Variants in RBFOX1 observed in about 807,000 individuals in gnomAD.
RBFOX1 encodes RNA binding fox-1 homolog 1, also known as RNA binding protein fox-1 homolog 1.
RBFOX1 carries 8 observed loss-of-function variants against 57.7 expected under a neutral mutation model. That is an observed-to-expected ratio of 0.14 (90% CI 0.08 to 0.25). The LOEUF is 0.25. Among genes scored for constraint, RBFOX1 ranks in the 10% least tolerant of loss-of-function variants. The probability of loss-of-function intolerance (pLI) is 1.00; values close to 1 mark genes in which losing one functional copy is unlikely to be tolerated. For synonymous variants in RBFOX1, 326 were observed against 222.4 expected, an observed-to-expected ratio of 1.47 and a Z score of -4.15; for missense variants, 611 against 548.5, an observed-to-expected ratio of 1.11 and a Z score of -1.14.
intron 4 of RBFOX1, among the ~76,000 whole-genome samples, chr16:7,381,514 T>C (rs568555230): frequency 6.6e-6 from 1 of 151,918 alleles, no homozygotes; most frequent in South Asian, 2.1e-4. Flanking sequence ...GCCTTTTTTT[T>C]TTATTTTATT....
intron 1 of RBFOX1, among the ~76,000 whole-genome samples, chr16:6,201,485 T>C (rs1172752835): frequency 6.6e-6 from 1 of 151,998 alleles, no homozygotes; most frequent in African/African-American, 2.4e-5. Flanking sequence ...CTTACAGAGA[T>C]AGAGTGGAAT....
intron 2 of RBFOX1, among the ~76,000 whole-genome samples, chr16:6,447,989 TC>T (rs2094518550): frequency 1.3e-5 from 2 of 152,098 alleles, no homozygotes; most frequent in Admixed American, 1.3e-4. Context: ...TCTCTCTCTC[TC>T]TCTCATAATA....
At chr16:5,855,486 T>G (rs2057001375) in intron 3 of RBFOX1, among the ~76,000 whole-genome samples, 1 of 152,206 alleles carries the variant, frequency 6.6e-6, no homozygotes, top group South Asian at 2.1e-4. Flanking sequence ...GACTGTTCTT[T>G]CCACATTGTG....
At chr16:5,805,150 G>A (rs1221644577) in intron 3 of RBFOX1, among the ~76,000 whole-genome samples, 4 of 152,104 alleles carry the variant, frequency 2.6e-5, no homozygotes, top group Non-Finnish European at 4.4e-5. Context: ...GGAGACCTGG[G>A]CTGGGTTATG....
At chr16:5,581,294 G>T (rs1051226552) in intron 2 of RBFOX1, among the ~76,000 whole-genome samples, 1 of 152,188 alleles carries the variant, frequency 6.6e-6, no homozygotes, top group Non-Finnish European at 1.5e-5. Context: ...TAGACTTTGG[G>T]CGGAGACAGA....
intron 4 of RBFOX1, among the ~76,000 whole-genome samples, chr16:7,217,683 AT>A (rs1158504794): frequency 6.6e-6 from 1 of 152,122 alleles, no homozygotes; most frequent in African/African-American, 2.4e-5. Flanking sequence ...AGGGGGAAGG[AT>A]TTTTTTGGTG....
intron 4 of RBFOX1, among the ~76,000 whole-genome samples, chr16:7,378,393 A>G (rs376771078): frequency 6.6e-6 from 1 of 152,256 alleles, no homozygotes; most frequent in Non-Finnish European, 1.5e-5. Flanking sequence ...AGCCCCCTGG[A>G]GAGTCCCTGA....
chr16:6,557,586 T>C (rs2097123235), intron 2 of RBFOX1, among the ~76,000 whole-genome samples: 1 of 152,204 alleles, frequency 6.6e-6, no homozygotes, highest in African/African-American at 2.4e-5. Context: ...TCTGTGGGTG[T>C]TGCCGAAGTC....
intron 2 of RBFOX1, among the ~76,000 whole-genome samples, chr16:6,554,455 TGTG>T (rs1390710093): frequency 2.0e-5 from 3 of 152,140 alleles, no homozygotes; most frequent in African/African-American, 4.8e-5. Context: ...AAAATTAAAT[TGTG>T]GTGATAATGG....
intron 3 of RBFOX1, among the ~76,000 whole-genome samples, chr16:6,830,250 G>A (rs543435605): frequency 6.6e-6 from 1 of 152,256 alleles, no homozygotes; most frequent in East Asian, 1.9e-4. Flanking sequence ...GAAGACATCA[G>A]TATCTAAGAA....
intron 1 of RBFOX1, among the ~76,000 whole-genome samples, chr16:5,401,809 TCTC>T (rs980806452): frequency 1.8e-4 from 25 of 137,488 alleles, no homozygotes; most frequent in African/African-American, 7.0e-4. Context: ...TCCTCCTCCT[TCTC>T]CTTCTCGTGC....
At chr16:6,878,774 G>A (rs959079595) in intron 3 of RBFOX1, among the ~76,000 whole-genome samples, 3 of 152,262 alleles carry the variant, frequency 2.0e-5, no homozygotes, top group East Asian at 1.9e-4. Flanking sequence ...ACAATCTGCA[G>A]AAATTTTAAA....
chr16:5,618,853 C>T (rs1201639433), intron 3 of RBFOX1, among the ~76,000 whole-genome samples: 2 of 152,098 alleles, frequency 1.3e-5, no homozygotes, highest in Non-Finnish European at 2.9e-5. Context: ...GTCTGGATAC[C>T]AGTGGGTGTC....
At chr16:6,843,530 TA>T (rs201653205) in intron 3 of RBFOX1, among the ~76,000 whole-genome samples, 1 of 150,744 alleles carries the variant, frequency 6.6e-6, no homozygotes, top group Non-Finnish European at 1.5e-5. Flanking sequence ...GTACTAAAAA[TA>T]AAAAAAAATT....
intron 3 of RBFOX1, among the ~76,000 whole-genome samples, chr16:5,848,173 TTTG>T (rs1461102650): frequency 6.6e-6 from 1 of 152,046 alleles, no homozygotes; most frequent in East Asian, 1.9e-4. Context: ...CAGGTTGCAG[TTTG>T]TTTTGTCCAG....
At chr16:6,749,745 A>ACTTTATT (rs1416902019) in intron 3 of RBFOX1, among the ~76,000 whole-genome samples, 9 of 152,220 alleles carry the variant, frequency 5.9e-5, no homozygotes, top group African/African-American at 2.2e-4. Context: ...AATAACAGCG[A>ACTTTATT]CTTGGAAAGT....
intron 2 of RBFOX1, among the ~76,000 whole-genome samples, chr16:5,531,364 G>A (rs1358363000): frequency 3.9e-5 from 6 of 152,102 alleles, no homozygotes; most frequent in East Asian, 1.9e-4. Flanking sequence ...TTTGATTACC[G>A]TTTGTCCATG....
chr16:7,073,267 C>A (rs532275405), intron 4 of RBFOX1, among the ~76,000 whole-genome samples: 9 of 152,076 alleles, frequency 5.9e-5, no homozygotes, highest in African/African-American at 2.2e-4. Context: ...CCTGCAAAGC[C>A]TAAAATTTCT....
At chr16:5,986,059 C>T (rs2060279734) in intron 4 of RBFOX1, among the ~76,000 whole-genome samples, 1 of 136,202 alleles carries the variant, frequency 7.3e-6, no homozygotes. Context: ...TTTTTCTTTA[C>T]TTTTTTTTTT....
Sources: gnomAD v4.1 joint callset for allele counts (sites outside exome capture counted in the v4.1 genomes callset) on GRCh38, gnomAD v4.1.1 for gene constraint, MANE v1.5 for transcripts, NCBI Gene and HGNC (gene_info 2026-07-23, HGNC 2026-07-21) for gene names.